Variants in NTM observed in about 807,000 individuals in gnomAD.
The protein encoded by NTM is IgLON family member 2.
NTM carries 13 observed loss-of-function variants against 42.1 expected under a neutral mutation model. The ratio of observed to expected loss-of-function variants is 0.31; its 90% CI spans 0.20 to 0.49. NTM has a LOEUF of 0.49. Among genes scored for constraint, NTM ranks in the 20% least tolerant of loss-of-function variants. NTM has a pLI of 0.99. For missense variants in NTM, 373 were observed against 452.8 expected, an observed-to-expected ratio of 0.82 and a Z score of 1.60; for synonymous variants, 187 against 179.2, an observed-to-expected ratio of 1.04 and a Z score of -0.35.
chr11:131,848,019 A>G (rs2045116302), intron 1 of NTM, among the ~76,000 whole-genome samples: 1 of 152,224 alleles, frequency 6.6e-6, no homozygotes, highest in African/African-American at 2.4e-5. Context: ...TAACATTTTA[A>G]CCAGTAAGAG....
rs533712283 is a variant in NTM at position 132,330,763 on chromosome 11, A to G, written c.967+578A>G. ...TGGGACCCTAACTGTCCTGGTAATT[A>G]GTCTCTTTAGGCCTCCGCAGCTCTC... is the stretch of plus-strand genomic sequence containing the variant. On this transcript the variant is annotated intron_variant, in intron 8 of 8. Coordinates refer to ENST00000683400, the MANE Select transcript of NTM (RefSeq NM_001352005.2). 5.3e-5 allele frequency among the ~76,000 whole-genome samples: 8 copies of G among 152,296 alleles called. 1 individual carries two copies. Among genetic ancestry groups the G allele is most frequent in the Admixed American group, 5.2e-4 (8 of 15,298 alleles).
chr11:131,823,266 C>T (rs1408629973), intron 1 of NTM, among the ~76,000 whole-genome samples: 2 of 152,178 alleles, frequency 1.3e-5, no homozygotes, highest in African/African-American at 4.8e-5. Flanking sequence ...GCCCCTTAGG[C>T]AGAGCAGAAG....
intron 1 of NTM, among the ~76,000 whole-genome samples, chr11:131,563,567 C>T (rs551002870): frequency 6.9e-6 from 1 of 144,704 alleles, no homozygotes; most frequent in Non-Finnish European, 1.5e-5. Context: ...TCTCCTGTGA[C>T]AGCTCCAGAC....
At position 131,394,050 on chromosome 11, in the gene NTM, C is replaced by A. The variant is rs1944304129; in HGVS notation, c.82+23162C>A. Among the ~76,000 whole-genome samples, 3 of 152,186 alleles carry A rather than the reference C, an allele frequency of 2.0e-5. 1 individual carries two copies. The South Asian group carries it at 6.2e-4, about 32-fold the overall frequency. On this transcript the variant is annotated intron_variant, in intron 1 of 8. Transcript: ENST00000683400. ...TGATGTATTCTCTGTAATTGTATTG[C>A]AACTAATAGGATATGAAGAAAATTG...
chr11:131,743,897 C>T (rs974355982), intron 1 of NTM, among the ~76,000 whole-genome samples: 103 of 152,272 alleles, frequency 6.8e-4, no homozygotes, highest in African/African-American at 2.4e-3. Flanking sequence ...CATTCTGGAA[C>T]CTGGACCAAA....
chr11:132,153,085 G>T (rs1033056345), intron 3 of NTM, among the ~76,000 whole-genome samples: 1 of 152,182 alleles, frequency 6.6e-6, no homozygotes, highest in Non-Finnish European at 1.5e-5. Context: ...TAAGCAGTTA[G>T]GGCTCCCATG....
intron 1 of NTM, among the ~76,000 whole-genome samples, chr11:131,868,347 T>G (rs2047435047): frequency 6.6e-6 from 1 of 152,192 alleles, no homozygotes; most frequent in South Asian, 2.1e-4. Context: ...AGTACAGTCT[T>G]TGATCACCTC....
chr11:132,120,701 A>G (rs2064657177), intron 2 of NTM, among the ~76,000 whole-genome samples: 1 of 152,200 alleles, frequency 6.6e-6, no homozygotes, highest in African/African-American at 2.4e-5. Context: ...AAGGATTAGT[A>G]GGCGTTAATA....
chr11:131,973,617 G>A (rs2063878735), intron 2 of NTM, among the ~76,000 whole-genome samples: 1 of 152,194 alleles, frequency 6.6e-6, no homozygotes, highest in Non-Finnish European at 1.5e-5. Flanking sequence ...AGGAGTTCGA[G>A]ACCAGCTTGG....
intron 2 of NTM, among the ~76,000 whole-genome samples, chr11:132,140,018 T>C (rs960658878): frequency 6.6e-6 from 1 of 152,194 alleles, no homozygotes; most frequent in African/African-American, 2.4e-5. Flanking sequence ...TTTGTTGAAT[T>C]TTTACAATAA....
At chr11:132,116,482 A>G (rs2063915290) in intron 2 of NTM, among the ~76,000 whole-genome samples, 1 of 152,102 alleles carries the variant, frequency 6.6e-6, no homozygotes, top group South Asian at 2.1e-4. Flanking sequence ...CAAGGCAGAG[A>G]ATGTTGGGAA....
intron 1 of NTM, among the ~76,000 whole-genome samples, chr11:131,598,530 ATG>A (rs2060006403): frequency 6.6e-6 from 1 of 152,112 alleles, no homozygotes; most frequent in Non-Finnish European, 1.5e-5. Context: ...TGTGTGTCAC[ATG>A]TGTGCACTCG....
intron 1 of NTM, chr11:131,794,853 T>C (rs2091371243): frequency 1.0e-6 from 1 of 985,348 alleles, no homozygotes; most frequent in South Asian, 4.7e-5. Flanking sequence ...AAAGCTGCCA[T>C]AGGTAACGGC....
chr11:132,188,039 A>G, intron 3 of NTM, among the ~76,000 whole-genome samples: 1 of 152,084 alleles, frequency 6.6e-6, no homozygotes, highest in East Asian at 1.9e-4. Context: ...GTATGACTTT[A>G]CCCTCCAGGG....
intron 2 of NTM, among the ~76,000 whole-genome samples, chr11:132,016,094 G>A (rs1025968909): frequency 1.3e-5 from 2 of 149,290 alleles, no homozygotes; most frequent in Non-Finnish European, 3.0e-5. Flanking sequence ...TCTGCCTGTT[G>A]TTGAGAGTTT....
intron 4 of NTM, among the ~76,000 whole-genome samples, chr11:132,247,545 G>GA (rs1229446072): frequency 2.0e-5 from 3 of 151,966 alleles, no homozygotes; most frequent in South Asian, 2.1e-4. Context: ...AAATGAATAA[G>GA]AAAAAAACAT....
intron 4 of NTM, among the ~76,000 whole-genome samples, chr11:132,254,264 G>A (rs541826887): frequency 3.3e-5 from 5 of 152,088 alleles, no homozygotes; most frequent in South Asian, 4.2e-4. Flanking sequence ...CCCGCAACCC[G>A]TCTTCATCCC....
Position 131,907,622 on chromosome 11 carries a change from C to T in NTM, c.83-3942C>T, listed in dbSNP as rs527316301. On this transcript the variant is annotated intron_variant, in intron 1 of 8. Transcript: ENST00000683400. ...TATGTGTACAGTATATGTGTATGCA[C>T]GAAGGAAGGGAAGAAGGAGACGGAG... is the stretch of plus-strand genomic sequence containing the variant. 4.0e-5 allele frequency among the ~76,000 whole-genome samples: 6 copies of T among 151,884 alleles called. No homozygotes were observed. In the South Asian group the frequency reaches 8.4e-4, roughly 21 times the overall value.
At chr11:131,713,028 T>C (rs1423820534) in intron 1 of NTM, among the ~76,000 whole-genome samples, 2 of 152,082 alleles carry the variant, frequency 1.3e-5, no homozygotes. Context: ...GCAGGCCTGC[T>C]CATGGTGGTG....
Sources: gnomAD v4.1 joint callset for allele counts (sites outside exome capture counted in the v4.1 genomes callset) on GRCh38, gnomAD v4.1.1 for gene constraint, MANE v1.5 for transcripts, NCBI Gene and HGNC (gene_info 2026-07-23, HGNC 2026-07-21) for gene names.